DDX19A: variants seen among roughly 807,000 people sequenced by gnomAD.
DDX19A encodes the protein DEAD-box helicase 19A.
Under a neutral mutation model 60.6 loss-of-function variants are expected in DDX19A, and 12 were observed. That is an observed-to-expected ratio of 0.20 (90% CI 0.13 to 0.32). DDX19A has a LOEUF of 0.32. Among genes scored for constraint, DDX19A ranks in the 10% least tolerant of loss-of-function variants. DDX19A has a pLI of 1.00. For synonymous variants in DDX19A, 206 were observed against 218.2 expected (o/e 0.94, Z 0.49); for missense variants, 337 against 600.6 (o/e 0.56, Z 4.59).
chr16:70,353,371 C>T (rs116711342), intron 2 of DDX19A, among the ~76,000 whole-genome samples: 6 of 151,836 alleles, frequency 4.0e-5, no homozygotes, highest in South Asian at 2.1e-4. Context: ...CGCTTGGCCT[C>T]GCAAAGTGCT....
intron 4 of DDX19A, among the ~76,000 whole-genome samples, chr16:70,358,067 G>C (rs1306940673): frequency 6.6e-6 from 1 of 152,024 alleles, no homozygotes; most frequent in Non-Finnish European, 1.5e-5. Flanking sequence ...GTCTCACTCT[G>C]TTGCCCAGGC....
intron 4 of DDX19A, 134 bp downstream of exon 4, chr16:70,356,381 A>G: frequency 1.4e-6 from 2 of 1,386,590 alleles, no homozygotes; most frequent in Non-Finnish European, 1.9e-6. Flanking sequence ...TTCGAGACAG[A>G]GTTTCGCTCC....
At chr16:70,369,915 A>G (rs1964633089) in intron 9 of DDX19A, among the ~76,000 whole-genome samples, 1 of 152,160 alleles carries the variant, frequency 6.6e-6, no homozygotes, top group African/African-American at 2.4e-5. Flanking sequence ...CCAGCCAGGT[A>G]CAAATATTTT....
chr16:70,358,769 C>T (rs1371089316), intron 4 of DDX19A, among the ~76,000 whole-genome samples: 3 of 152,124 alleles, frequency 2.0e-5, no homozygotes, highest in East Asian at 1.9e-4. Context: ...ATTGCTTGAA[C>T]CCAGGAGGCG....
At chr16:70,350,793 AAG>A (rs1963987392) in intron 2 of DDX19A, among the ~76,000 whole-genome samples, 188 bp downstream of exon 2, 1 of 149,874 alleles carries the variant, frequency 6.7e-6, no homozygotes, top group Non-Finnish European at 1.5e-5. Flanking sequence ...TCTTAAAATT[AAG>A]AGTCTCTCTA....
At chr16:70,354,539 A>G (rs1964125255) in intron 2 of DDX19A, among the ~76,000 whole-genome samples, 1 of 152,248 alleles carries the variant, frequency 6.6e-6, no homozygotes, top group Non-Finnish European at 1.5e-5. Context: ...TGCCAATCTG[A>G]TAGGTAAAAA....
chr16:70,366,961 G>A (rs1317945132), intron 9 of DDX19A, 100 bp downstream of exon 9: 14 of 1,390,180 alleles, frequency 1.0e-5, no homozygotes, highest in Non-Finnish European at 3.0e-6. Flanking sequence ...TGGAAAGAAG[G>A]GAAGTGCTTT....
chr16:70,347,080 T>G (rs1597515620), intron 1 of DDX19A, 32 bp downstream of exon 1: 1 of 1,599,646 alleles, frequency 6.3e-7, no homozygotes. Context: ...GAGGAGGACG[T>G]AGCAGGGGCC....
chr16:70,356,950 CAAAA>C (rs762319360), intron 4 of DDX19A: 388 of 477,408 alleles, frequency 8.1e-4, no homozygotes, highest in Middle Eastern at 1.9e-3. Context: ...TTTTTTTTTA[CAAAA>C]AAAAAAAAAA....
chr16:70,365,995 C>G (rs745975379), intron 7 of DDX19A, 90 bp from the exon 8 acceptor site: 2 of 1,585,572 alleles, frequency 1.3e-6, no homozygotes, highest in Admixed American at 1.7e-5. Context: ...ATAACTTGTT[C>G]TCCTAGTCCT....
intron 4 of DDX19A, among the ~76,000 whole-genome samples, chr16:70,359,699 TA>T (rs975410428): frequency 1.3e-5 from 2 of 150,482 alleles, no homozygotes; most frequent in African/African-American, 4.9e-5. Context: ...CTACAAAAAA[TA>T]AAAAAAAATT....
chr16:70,371,357 C>T lies in DDX19A; in HGVS notation c.1184-15C>T, dbSNP rs371173922. The T allele has an allele frequency of 6.2e-7, 1 of 1,614,034 alleles. No individual in the cohort carries two copies. The highest frequency in any genetic ancestry group is 8.5e-7 in the Non-Finnish European group (1 of 1,179,976). On this transcript the variant is annotated splice_polypyrimidine_tract_variant and intron_variant, in intron 10 of 11. Transcript: ENST00000302243. ...TGTCCTTAGTCCTCTCAGCCTCCAA[C>T]TCTCCTTCCTGCAGGCATTGATGTT... is the stretch of plus-strand genomic sequence containing the variant.
At chr16:70,365,200 C>A in intron 7 of DDX19A, 69 bp downstream of exon 7, 2 of 1,025,708 alleles carry the variant, frequency 1.9e-6, no homozygotes, top group Non-Finnish European at 3.0e-6. Context: ...TTTGAAGATG[C>A]GATGACCGTA....
At chr16:70,348,874 A>C (rs1468332812) in intron 1 of DDX19A, among the ~76,000 whole-genome samples, 1 of 151,834 alleles carries the variant, frequency 6.6e-6, no homozygotes, top group East Asian at 1.9e-4. Context: ...GAGCCTAGGG[A>C]GGTTGAGGCT....
intron 7 of DDX19A, chr16:70,365,352 T>G (rs1964489690): frequency 2.7e-6 from 1 of 375,838 alleles, no homozygotes; most frequent in Non-Finnish European, 4.9e-6. Context: ...AATCCACGCA[T>G]GGCTCACAGA....
At chr16:70,350,632 A>G (rs956829931) in intron 2 of DDX19A, 27 bp downstream of exon 2, 5 of 1,584,810 alleles carry the variant, frequency 3.2e-6, no homozygotes, top group African/African-American at 1.3e-5. Flanking sequence ...TACAAGCTAG[A>G]AAAGAGTTCC....
At position 70,372,356 on chromosome 16, in the gene DDX19A, A is replaced by G; in HGVS notation, c.*370A>G. On this transcript the variant is annotated 3_prime_UTR_variant, in exon 12 of 12. Transcript: ENST00000302243. ...ACGATAGATGTGCAGGTTGTGCGGA[A>G]GAGGCTGAGTGGAAAATGGTGTGAG... The G allele has an allele frequency of 2.9e-6, 1 of 342,592 alleles. No individual in the cohort carries two copies. Among genetic ancestry groups the G allele is most frequent in the Non-Finnish European group, 5.5e-6 (1 of 181,986 alleles). The allele number at this position is 342,592 out of a possible 1,614,324, so 21.2% of individuals were successfully genotyped here.
chr16:70,364,694 G>A (rs375224641), intron 6 of DDX19A, 49 bp downstream of exon 6: 36 of 1,381,876 alleles, frequency 2.6e-5, no homozygotes, highest in Non-Finnish European at 3.2e-5. Context: ...CCTGGGGAGC[G>A]CAGTGCCATC....
intron 2 of DDX19A, among the ~76,000 whole-genome samples, chr16:70,352,930 A>C (rs964171454): frequency 6.6e-6 from 1 of 151,908 alleles, no homozygotes; most frequent in African/African-American, 2.4e-5. Context: ...GAGCCACCGC[A>C]TCTGGCTGAT....
Sources: allele counts gnomAD v4.1 joint callset (sites outside exome capture counted in the v4.1 genomes callset), GRCh38; gene constraint gnomAD v4.1.1; transcripts MANE v1.5; gene names NCBI Gene and HGNC (gene_info 2026-07-23, HGNC 2026-07-21).